Variants in BRAF observed in about 807,000 individuals in gnomAD.
BRAF encodes the protein serine/threonine-protein kinase B-raf.
Under a neutral mutation model 104.6 loss-of-function variants are expected in BRAF, and 16 were observed. The ratio of observed to expected loss-of-function variants is 0.15; its 90% CI spans 0.10 to 0.23. The LOEUF (loss-of-function observed/expected upper bound fraction) is 0.23. BRAF is among the 10% of genes least tolerant of loss of function. BRAF has a pLI of 1.00. For synonymous variants in BRAF, 310 were observed against 341.6 expected (o/e 0.91, Z 1.02); for missense variants, 541 against 937.3 (o/e 0.58, Z 5.52).
chr7:140,818,462 G>C (rs578208246), intron 3 of BRAF, among the ~76,000 whole-genome samples: 1 of 151,892 alleles, frequency 6.6e-6, no homozygotes, highest in Non-Finnish European at 1.5e-5. Context: ...ACAGGTGTGC[G>C]CCACAATGCC....
chr7:140,734,797 G>GAAAAAAAAAAAAAAAAAA lies in BRAF; in HGVS notation c.2248-28_2248-27insTTTTTTTTTTTTTTTTTT, dbSNP rs60814637. ...TACAAAAAAAAAAAGAAAAAAAAAA[G>GAAAAAAAAAAAAAAAAAA]AAAAAAAAAGAAAAAAGAAAAAAAA... is the stretch of plus-strand genomic sequence containing the variant. On this transcript the variant is annotated intron_variant, in intron 18 of 19. Transcript: ENST00000644969. 34 of 1,129,992 alleles carry GAAAAAAAAAAAAAAAAAA rather than the reference G, an allele frequency of 3.0e-5. 1 individual carries two copies. The highest frequency in any genetic ancestry group is 3.4e-4 in the Middle Eastern group (1 of 2,924). The allele number at this position is 1,129,992 out of a possible 1,614,324, so 70.0% of individuals were successfully genotyped here.
chr7:140,844,211 C>T (rs1008336586), intron 2 of BRAF, among the ~76,000 whole-genome samples: 17 of 151,488 alleles, frequency 1.1e-4, no homozygotes, highest in African/African-American at 3.1e-4. Flanking sequence ...CTTCTATAGA[C>T]GTAACTTGCC....
intron 1 of BRAF, among the ~76,000 whole-genome samples, chr7:140,903,104 T>G (rs1466200655): frequency 6.6e-6 from 1 of 152,010 alleles, no homozygotes; most frequent in Non-Finnish European, 1.5e-5. Flanking sequence ...TTGTATTTTT[T>G]TAGTAGAGAC....
intron 13 of BRAF, among the ~76,000 whole-genome samples, chr7:140,777,474 T>C (rs1424419073): frequency 1.3e-5 from 2 of 152,212 alleles, no homozygotes; most frequent in Non-Finnish European, 2.9e-5. Flanking sequence ...GTCTGCTCTC[T>C]GGAATAACTT....
intron 18 of BRAF, among the ~76,000 whole-genome samples, chr7:140,737,415 G>T (rs1201803441): frequency 6.6e-6 from 1 of 152,048 alleles, no homozygotes; most frequent in Non-Finnish European, 1.5e-5. Context: ...TTTACTGACT[G>T]CCATGGAAAT....
chr7:140,757,655 G>T (rs1281778379), intron 14 of BRAF, among the ~76,000 whole-genome samples: 1 of 152,178 alleles, frequency 6.6e-6, no homozygotes, highest in Non-Finnish European at 1.5e-5. Context: ...CACTAAAAAA[G>T]TCGGTTTTTT....
chr7:140,727,739 T>C (rs1795690161), intron 19 of BRAF, among the ~76,000 whole-genome samples: 1 of 151,918 alleles, frequency 6.6e-6, no homozygotes, highest in Admixed American at 6.6e-5. Context: ...TCCTGCCTCA[T>C]CCTCCCCAGC....
chr7:140,753,054 A>G (rs1403073846), intron 16 of BRAF, among the ~76,000 whole-genome samples: 2 of 152,090 alleles, frequency 1.3e-5, no homozygotes, highest in African/African-American at 4.8e-5. Context: ...TAAGACATAT[A>G]TTTTTGTTTG....
At chr7:140,763,240 AC>A (rs1294685473) in intron 14 of BRAF, among the ~76,000 whole-genome samples, 4 of 147,266 alleles carry the variant, frequency 2.7e-5, no homozygotes, top group Non-Finnish European at 4.5e-5. Context: ...CGGGGGGCTG[AC>A]CCCCCAACCT....
chr7:140,922,605 A>C (rs1397295182), intron 1 of BRAF, among the ~76,000 whole-genome samples: 1 of 152,232 alleles, frequency 6.6e-6, no homozygotes, highest in Non-Finnish European at 1.5e-5. Context: ...ACAAGATACA[A>C]TTCAACAAAA....
Position 140,749,369 on chromosome 7 carries a change from G to A in BRAF, c.2030C>T (p.Ser677Leu), listed in dbSNP as rs2128994505. 1 of 1,613,002 alleles carries A rather than the reference G, an allele frequency of 6.2e-7. No homozygotes were observed. The highest frequency in any genetic ancestry group is 2.2e-5 in the East Asian group (1 of 44,756). Residue 677 changes from serine to leucine, a missense_variant, in exon 17 of 20, where the codon TCA becomes TTA. Coordinates refer to ENST00000644969, the MANE Select transcript of BRAF (RefSeq NM_001374258.1). ...MQDKNPYSFQSDVYAFGIVLY... is the reference protein window; with the variant it reads ...MQDKNPYSFQLDVYAFGIVLY... Reference sequence around the variant, plus strand: ...AACAATTCCAAATGCATATACATCTGACTGAAAGCTGTATGGATTTTTATC... The same window carrying A: ...AACAATTCCAAATGCATATACATCTAACTGAAAGCTGTATGGATTTTTATC...
chr7:140,777,990 C>T lies in BRAF; in HGVS notation c.1637+1G>A, dbSNP rs2129019474. On this transcript the variant is annotated splice_donor_variant, in intron 13 of 19. Transcript: ENST00000644969. LOFTEE classifies it high-confidence loss of function. Reference sequence around the variant, plus strand: ...GAAAAGAGTAATTCACACAAGCTCACCTGAGTACTCCTACTTCATTTTTGA... The same window carrying T: ...GAAAAGAGTAATTCACACAAGCTCATCTGAGTACTCCTACTTCATTTTTGA... 1 of 1,613,192 alleles carries T rather than the reference C, an allele frequency of 6.2e-7. No individual in the cohort carries two copies. Among genetic ancestry groups the T allele is most frequent in the Non-Finnish European group, 8.5e-7 (1 of 1,179,638 alleles).
At chr7:140,739,690 G>C in intron 18 of BRAF, 122 bp downstream of exon 17, 2 of 1,165,046 alleles carry the variant, frequency 1.7e-6, no homozygotes, top group Admixed American at 3.6e-5. Flanking sequence ...GTGTTTTCTT[G>C]TCTGGAGTCT....
intron 14 of BRAF, among the ~76,000 whole-genome samples, chr7:140,770,526 C>CTAA (rs1644988559): frequency 2.1e-5 from 2 of 96,422 alleles, no homozygotes; most frequent in African/African-American, 1.7e-4. Context: ...ATAAGGCCTG[C>CTAA]CAAAAAAAAA....
intron 1 of BRAF, among the ~76,000 whole-genome samples, chr7:140,859,420 G>A (rs549368972): frequency 2.0e-5 from 3 of 152,138 alleles, no homozygotes; most frequent in Non-Finnish European, 4.4e-5. Flanking sequence ...TCTATATGGG[G>A]ATAACAGACC....
chr7:140,891,366 A>T (rs1246177768), intron 1 of BRAF, among the ~76,000 whole-genome samples: 1 of 152,220 alleles, frequency 6.6e-6, no homozygotes, highest in Non-Finnish European at 1.5e-5. Flanking sequence ...GAAGTCTCTT[A>T]TATAAAAAGG....
At chr7:140,911,497 TACAAAAGCACA>T (rs1816973477) in intron 1 of BRAF, among the ~76,000 whole-genome samples, 1 of 152,166 alleles carries the variant, frequency 6.6e-6, no homozygotes, top group Non-Finnish European at 1.5e-5. Flanking sequence ...TCTGGGATTC[TACAAAAGCACA>T]AAGCAGAGGC....
intron 3 of BRAF, among the ~76,000 whole-genome samples, chr7:140,814,471 C>T (rs916625529): frequency 1.3e-5 from 2 of 151,944 alleles, no homozygotes; most frequent in African/African-American, 4.8e-5. Context: ...TCAAGACCAG[C>T]CTGGCCAACA....
At chr7:140,762,549 C>A (rs1798844258) in intron 14 of BRAF, among the ~76,000 whole-genome samples, 2 of 142,408 alleles carry the variant, frequency 1.4e-5, no homozygotes, top group African/African-American at 5.2e-5. Flanking sequence ...CAGAGCAGAA[C>A]TGAAGGAAAT....
Sources: allele counts gnomAD v4.1 joint callset (sites outside exome capture counted in the v4.1 genomes callset), GRCh38; gene constraint gnomAD v4.1.1; transcripts MANE v1.5; gene names NCBI Gene and HGNC (gene_info 2026-07-23, HGNC 2026-07-21).